The following PPARGC1A variants were observed in gnomAD, a reference collection of about 807,000 sequenced individuals.
The protein encoded by PPARGC1A is PPARG coactivator 1 alpha.
In PPARGC1A, 25 loss-of-function variants were observed where a neutral mutation model predicts 88.7. The ratio of observed to expected loss-of-function variants is 0.28; its 90% confidence interval spans 0.21 to 0.39. The LOEUF (loss-of-function observed/expected upper bound fraction) is 0.39. Among genes scored for constraint, PPARGC1A ranks in the 10% least tolerant of loss-of-function variants. The probability of loss-of-function intolerance (pLI) is 1.00; values close to 1 mark genes in which losing one functional copy is unlikely to be tolerated. For synonymous variants in PPARGC1A, 363 were observed against 355.6 expected (o/e 1.02, Z -0.24); for missense variants, 880 against 968.7 (o/e 0.91, Z 1.22).
At chr4:24,019,857 A>G in the PPARGC1A span, among the ~76,000 whole-genome samples, 1 of 152,324 alleles carries the variant, frequency 6.6e-6, no homozygotes, top group East Asian at 1.9e-4. Flanking sequence ...GAATACCACA[A>G]AAGAACTACA....
Position 23,889,967 on chromosome 4 carries a change from G to T in PPARGC1A, c.-10C>A. ...ACATGTCCCACGCCATCCAGCTCCT[G>T]AATGACGCCAGTCAAGCTTTTTCAA... is the stretch of plus-strand genomic sequence containing the variant. On this transcript the variant is annotated 5_prime_UTR_variant, in exon 1 of 13. Coordinates refer to ENST00000264867, the MANE Select transcript of PPARGC1A (RefSeq NM_013261.5). 6.2e-7 allele frequency: 1 copy of T among 1,613,714 alleles called. No homozygotes were observed. Among genetic ancestry groups the T allele is most frequent in the Non-Finnish European group, 8.5e-7 (1 of 1,179,758 alleles).
At chr4:24,293,963 ATT>A in the PPARGC1A span, among the ~76,000 whole-genome samples, 1 of 152,190 alleles carries the variant, frequency 6.6e-6, no homozygotes, top group South Asian at 2.1e-4. Flanking sequence ...ATATAAATGC[ATT>A]GAGTTAATTT....
chr4:23,842,139 G>A (rs1341416073), intron 2 of PPARGC1A, among the ~76,000 whole-genome samples: 1 of 152,116 alleles, frequency 6.6e-6, no homozygotes, highest in African/African-American at 2.4e-5. Flanking sequence ...GACATAGCAT[G>A]CATTTATTGT....
chr4:24,315,325 G>A, the PPARGC1A span, among the ~76,000 whole-genome samples: 1 of 152,170 alleles, frequency 6.6e-6, no homozygotes, highest in Non-Finnish European at 1.5e-5. Flanking sequence ...GAGGCATGGG[G>A]AAGTCATAAG....
chr4:24,027,878 C>A, the PPARGC1A span, among the ~76,000 whole-genome samples: 1 of 152,170 alleles, frequency 6.6e-6, no homozygotes, highest in Non-Finnish European at 1.5e-5. Context: ...ACATACCGAT[C>A]AGTGCCCATA....
chr4:23,943,895 A>G, the PPARGC1A span, among the ~76,000 whole-genome samples: 6 of 152,296 alleles, frequency 3.9e-5, no homozygotes, highest in East Asian at 5.8e-4. Context: ...ATCCCAATAG[A>G]GGCATATTCT....
At chr4:24,388,089 A>G in the PPARGC1A span, among the ~76,000 whole-genome samples, 1 of 152,028 alleles carries the variant, frequency 6.6e-6, no homozygotes, top group African/African-American at 2.4e-5. Context: ...CAATCTATCC[A>G]TCTGACAAAG....
intron 2 of PPARGC1A, among the ~76,000 whole-genome samples, chr4:23,851,836 T>C (rs1000135382): frequency 6.6e-6 from 1 of 152,236 alleles, no homozygotes; most frequent in Non-Finnish European, 1.5e-5. Context: ...CAGAAGCTAT[T>C]TTAAAACAAG....
At chr4:23,944,175 G>A in the PPARGC1A span, among the ~76,000 whole-genome samples, 1 of 152,164 alleles carries the variant, frequency 6.6e-6, no homozygotes, top group Non-Finnish European at 1.5e-5. Context: ...ATTAAATTAG[G>A]TGACACTGAA....
At chr4:23,844,776 T>C (rs1273021671) in intron 2 of PPARGC1A, among the ~76,000 whole-genome samples, 1 of 121,630 alleles carries the variant, frequency 8.2e-6, no homozygotes, top group African/African-American at 3.2e-5. Flanking sequence ...TAATATATGA[T>C]ATATATTATA....
the PPARGC1A span, among the ~76,000 whole-genome samples, chr4:24,036,557 T>C: frequency 6.6e-6 from 1 of 150,582 alleles, no homozygotes; most frequent in Non-Finnish European, 1.5e-5. Context: ...TACATGGCAA[T>C]AAAAATAGTG....
At chr4:24,317,970 G>A in the PPARGC1A span, among the ~76,000 whole-genome samples, 1 of 152,146 alleles carries the variant, frequency 6.6e-6, no homozygotes, top group African/African-American at 2.4e-5. Context: ...CAGGCAAGTC[G>A]GTAACTATGG....
At chr4:24,212,186 A>G in the PPARGC1A span, among the ~76,000 whole-genome samples, 2 of 152,294 alleles carry the variant, frequency 1.3e-5, no homozygotes, top group East Asian at 1.9e-4. Flanking sequence ...CCTAGGCTCT[A>G]CTTTGATCTT....
At chr4:24,227,844 G>C in the PPARGC1A span, among the ~76,000 whole-genome samples, 1 of 152,214 alleles carries the variant, frequency 6.6e-6, no homozygotes, top group African/African-American at 2.4e-5. Context: ...AATTGTTGGG[G>C]CACAAAATGG....
At chr4:24,238,820 C>T in the PPARGC1A span, among the ~76,000 whole-genome samples, 1 of 147,632 alleles carries the variant, frequency 6.8e-6, no homozygotes, top group East Asian at 2.1e-4. Context: ...TATCCACATG[C>T]TAAGTGCTAA....
the PPARGC1A span, among the ~76,000 whole-genome samples, chr4:24,280,031 C>A: frequency 6.6e-6 from 1 of 152,288 alleles, no homozygotes; most frequent in African/African-American, 2.4e-5. Flanking sequence ...TTCTCGCCAA[C>A]AATGCCCCAC....
intron 10 of PPARGC1A, among the ~76,000 whole-genome samples, chr4:23,812,471 C>T (rs781076008): frequency 7.2e-5 from 11 of 152,126 alleles, no homozygotes; most frequent in Non-Finnish European, 1.6e-4. Context: ...AAAAAAATCT[C>T]TACTCCCTCC....
chr4:24,099,005 A>G, the PPARGC1A span, among the ~76,000 whole-genome samples: 1 of 152,144 alleles, frequency 6.6e-6, no homozygotes, highest in East Asian at 1.9e-4. Context: ...CAGTATGTTT[A>G]TATCCTGTTC....
the PPARGC1A span, among the ~76,000 whole-genome samples, chr4:24,160,542 C>A: frequency 1.3e-5 from 2 of 152,148 alleles, no homozygotes; most frequent in Non-Finnish European, 2.9e-5. Context: ...CTTCATCATG[C>A]CAATCTCTTC....
Sources: allele counts gnomAD v4.1 joint callset (sites outside exome capture counted in the v4.1 genomes callset), GRCh38; gene constraint gnomAD v4.1.1; transcripts MANE v1.5; gene names NCBI Gene and HGNC (gene_info 2026-07-23, HGNC 2026-07-21).